UGGT2: variants seen among roughly 807,000 people sequenced by gnomAD.
UGGT2 encodes the protein UDP-glucose:glycoprotein glucosyltransferase 2.
Under a neutral mutation model 192.1 loss-of-function variants are expected in UGGT2, and 180 were observed. That is an observed-to-expected ratio of 0.94 (90% confidence interval 0.83 to 1.06). The LOEUF is 1.06. Ranked by LOEUF, UGGT2 falls within the 50% of genes least tolerant of loss-of-function variation. UGGT2 has a pLI of 0.00. For synonymous variants in UGGT2, 580 were observed against 591.0 expected (o/e 0.98, Z 0.27); for missense variants, 1,849 against 1,795.7 (o/e 1.03, Z -0.54).
intron 1 of UGGT2, among the ~76,000 whole-genome samples, chr13:96,041,723 A>G (rs2053170030): frequency 6.6e-6 from 1 of 152,062 alleles, no homozygotes; most frequent in Non-Finnish European, 1.5e-5. Flanking sequence ...GTTGCATGGG[A>G]GCTGGGTGAG....
At chr13:95,956,780 AAGTT>A (rs1393479014) in intron 12 of UGGT2, among the ~76,000 whole-genome samples, 2 of 152,234 alleles carry the variant, frequency 1.3e-5, no homozygotes, top group African/African-American at 4.8e-5. Context: ...TTTGTCAAAA[AAGTT>A]AGACACAGAA....
At chr13:95,966,302 A>G (rs963106291) in intron 12 of UGGT2, among the ~76,000 whole-genome samples, 2 of 152,290 alleles carry the variant, frequency 1.3e-5, no homozygotes, top group African/African-American at 4.8e-5. Context: ...AGAAAGACCA[A>G]TATCCTGTGT....
chr13:95,878,533 TC>T (rs2140167854), intron 27 of UGGT2, among the ~76,000 whole-genome samples: 1 of 152,314 alleles, frequency 6.6e-6, no homozygotes, highest in African/African-American at 2.4e-5. Flanking sequence ...TCCAGTTGTT[TC>T]TGGATTTTTC....
chr13:95,819,789 G>GGTCTTAGGTC (rs1405815908), intron 38 of UGGT2, among the ~76,000 whole-genome samples: 1 of 152,192 alleles, frequency 6.6e-6, no homozygotes, highest in African/African-American at 2.4e-5. Context: ...CAAAGGGGTA[G>GGTCTTAGGTC]AATCAACTAA....
intron 24 of UGGT2, among the ~76,000 whole-genome samples, chr13:95,893,665 TGACA>T (rs1361501466): frequency 3.9e-5 from 6 of 152,192 alleles, no homozygotes; most frequent in Non-Finnish European, 8.8e-5. Flanking sequence ...GAATGCTCTT[TGACA>T]GACAAAAAAT....
intron 7 of UGGT2, among the ~76,000 whole-genome samples, chr13:95,995,137 A>G (rs947051706): frequency 2.5e-4 from 38 of 152,106 alleles, no homozygotes; most frequent in African/African-American, 9.2e-4. Flanking sequence ...ATATGTGGCA[A>G]AGGTTTCAGA....
Position 95,961,072 on chromosome 13 carries a change from C to T in UGGT2, c.1335+9040G>A, listed in dbSNP as rs1392381655. On this transcript the variant is annotated intron_variant, in intron 12 of 38. Coordinates refer to ENST00000376747, the MANE Select transcript of UGGT2 (RefSeq NM_020121.4). Reference sequence around the variant, plus strand: ...CCCAGAAGTGAAAGAATGGTATCTACCATCCTGAAACATAAATACCACTGG... The same window carrying T: ...CCCAGAAGTGAAAGAATGGTATCTATCATCCTGAAACATAAATACCACTGG... Among the ~76,000 whole-genome samples, 9 of 152,040 alleles carry T rather than the reference C, an allele frequency of 5.9e-5. No homozygotes were observed. The South Asian group carries it at 8.3e-4, about 14-fold the overall frequency.
intron 4 of UGGT2, among the ~76,000 whole-genome samples, chr13:96,021,917 A>G (rs1215745543): frequency 6.6e-6 from 1 of 152,162 alleles, no homozygotes; most frequent in Non-Finnish European, 1.5e-5. Context: ...CATAATTCTA[A>G]TTAAACCCTA....
intron 16 of UGGT2, 77 bp from the exon 17 acceptor site, chr13:95,937,165 G>A (rs1465572595): frequency 3.0e-5 from 44 of 1,449,212 alleles, no homozygotes; most frequent in Admixed American, 5.1e-5. Flanking sequence ...ATGGAACACC[G>A]CCACATTTTT....
chr13:96,022,831 T>C (rs566939433), intron 4 of UGGT2, among the ~76,000 whole-genome samples: 121 of 152,176 alleles, frequency 8.0e-4, no homozygotes, highest in African/African-American at 1.7e-3. Flanking sequence ...ATTTCATACA[T>C]TTTATGTTAT....
chr13:95,874,751 G>C (rs1165418714), intron 29 of UGGT2, among the ~76,000 whole-genome samples: 1 of 151,892 alleles, frequency 6.6e-6, no homozygotes, highest in Non-Finnish European at 1.5e-5. Context: ...GAGTGCAGTG[G>C]CATGACCATG....
chr13:95,895,064 A>C (rs2047908197), intron 23 of UGGT2, 116 bp downstream of exon 23: 1 of 1,039,766 alleles, frequency 9.6e-7, no homozygotes, highest in African/African-American at 1.7e-5. Context: ...TTCTTTATAT[A>C]TGTCTTTTAT....
chr13:95,844,004 A>G (rs1169210796), intron 36 of UGGT2, among the ~76,000 whole-genome samples: 2 of 152,206 alleles, frequency 1.3e-5, no homozygotes, highest in East Asian at 1.9e-4. Context: ...CTTGTCGCCC[A>G]GGCTGGAGTG....
rs1200881855 is a variant in UGGT2 at position 96,023,108 on chromosome 13, C to G, written c.417G>C (p.Val139=). ...EPPPDGCNAF[V]VIHKKHTCKI... ...TACAGGTGTGCTTCTTATGAATAAC[C>G]ACAAATGCATTACAACCATCTGGTG... The change falls in exon 4 of 39, where the codon GTG becomes GTC. Residue 139 remains valine (V), a synonymous_variant. Coordinates refer to ENST00000376747, the MANE Select transcript of UGGT2 (RefSeq NM_020121.4). The G allele has an allele frequency of 1.3e-5, 20 of 1,594,690 alleles. No individual in the cohort carries two copies. Among genetic ancestry groups the G allele is most frequent in the Admixed American group, 1.7e-5 (1 of 58,560 alleles).
Position 96,023,026 on chromosome 13 carries a change from T to G in UGGT2, c.485+14A>C. 6.4e-7 allele frequency: 1 copy of G among 1,561,082 alleles called. No individual in the cohort carries two copies. The highest frequency in any genetic ancestry group is 8.7e-7 in the Non-Finnish European group (1 of 1,151,606). On this transcript the variant is annotated intron_variant, in intron 4 of 38. Transcript: ENST00000376747. Reference sequence around the variant, plus strand: ...TATAACCACTTCTTTCATTATAGGCTATTATTAATTTACCTTGAAGCAGCT... The same window carrying G: ...TATAACCACTTCTTTCATTATAGGCGATTATTAATTTACCTTGAAGCAGCT...
At chr13:95,913,814 T>C (rs959602619) in intron 20 of UGGT2, among the ~76,000 whole-genome samples, 2 of 152,000 alleles carry the variant, frequency 1.3e-5, no homozygotes, top group African/African-American at 4.8e-5. Flanking sequence ...CTATTGACAA[T>C]AGCAAAGACT....
intron 8 of UGGT2, 29 bp downstream of exon 8, chr13:95,989,944 C>T: frequency 2.1e-6 from 3 of 1,452,718 alleles, no homozygotes; most frequent in South Asian, 1.3e-5. Context: ...TACCAAAATG[C>T]TGTGTTAAAG....
At chr13:95,973,567 T>C (rs908593453) in intron 10 of UGGT2, among the ~76,000 whole-genome samples, 30 of 152,276 alleles carry the variant, frequency 2.0e-4, no homozygotes, top group African/African-American at 6.5e-4. Context: ...TTTTTCACTG[T>C]CTTTCATTCA....
intron 17 of UGGT2, among the ~76,000 whole-genome samples, chr13:95,929,163 T>G (rs2049154002): frequency 6.6e-6 from 1 of 152,160 alleles, no homozygotes; most frequent in Admixed American, 6.5e-5. Context: ...AGCCTCGGCT[T>G]GGCATCAGAG....
Sources: gnomAD v4.1 joint callset for allele counts (sites outside exome capture counted in the v4.1 genomes callset) on GRCh38, gnomAD v4.1.1 for gene constraint, MANE v1.5 for transcripts, NCBI Gene and HGNC (gene_info 2026-07-23, HGNC 2026-07-21) for gene names.